Variants in CDC42BPA observed in about 807,000 individuals in gnomAD.
The protein encoded by CDC42BPA is CDC42 binding protein kinase alpha.
CDC42BPA carries 80 observed loss-of-function variants against 223.5 expected under a neutral mutation model. The ratio of observed to expected loss-of-function variants is 0.36; its 90% CI spans 0.30 to 0.43. The LOEUF is 0.43. CDC42BPA is among the 20% of genes least tolerant of loss of function. The pLI, the probability that CDC42BPA is intolerant of heterozygous loss-of-function variation, is 1.00. For missense variants in CDC42BPA, 1,743 were observed against 2,099.9 expected (o/e 0.83, Z 3.32); for synonymous variants, 694 against 718.6 (o/e 0.97, Z 0.55).
chr1:227,029,354 A>G, intron 29 of CDC42BPA, 104 bp from the exon 30 acceptor site: 2 of 709,010 alleles, frequency 2.8e-6, no homozygotes, highest in Non-Finnish European at 2.3e-6. Context: ...CACATACGGA[A>G]GAATAAGACA....
chr1:227,253,200 CAAGAG>C (rs1379143892), intron 2 of CDC42BPA, among the ~76,000 whole-genome samples: 3 of 150,908 alleles, frequency 2.0e-5, no homozygotes, highest in Admixed American at 6.6e-5. Flanking sequence ...AGAGAGGAGA[CAAGAG>C]AAGAGAGAGG....
chr1:227,124,473 G>A (rs992296382), intron 11 of CDC42BPA, among the ~76,000 whole-genome samples: 33 of 152,044 alleles, frequency 2.2e-4, no homozygotes, highest in African/African-American at 7.5e-4. Context: ...TTCTTTGAAG[G>A]TATATATATT....
intron 10 of CDC42BPA, among the ~76,000 whole-genome samples, chr1:227,133,578 GAGA>G (rs1230620631): frequency 6.6e-6 from 1 of 152,228 alleles, no homozygotes; most frequent in African/African-American, 2.4e-5. Context: ...TCTGTGCAGA[GAGA>G]AGTAGACATG....
intron 16 of CDC42BPA, among the ~76,000 whole-genome samples, chr1:227,086,928 C>G (rs1163688209): frequency 6.6e-6 from 1 of 152,192 alleles, no homozygotes; most frequent in African/African-American, 2.4e-5. Context: ...ATGCCTTAGA[C>G]TCCCAAAGTG....
intron 1 of CDC42BPA, among the ~76,000 whole-genome samples, chr1:227,290,441 T>C (rs998221899): frequency 1.3e-5 from 2 of 151,376 alleles, no homozygotes. Flanking sequence ...TACTTTACTG[T>C]ACATTTAAAA....
chr1:227,055,861 C>G (rs991627851), intron 21 of CDC42BPA, among the ~76,000 whole-genome samples: 2 of 150,728 alleles, frequency 1.3e-5, no homozygotes, highest in African/African-American at 2.4e-5. Context: ...GAAACATCTA[C>G]TATATTTCAG....
At chr1:227,180,858 T>G (rs187732653) in intron 5 of CDC42BPA, among the ~76,000 whole-genome samples, 1 of 152,140 alleles carries the variant, frequency 6.6e-6, no homozygotes, top group African/African-American at 2.4e-5. Flanking sequence ...GTTCACAATC[T>G]AAATAGCAAG....
intron 22 of CDC42BPA, among the ~76,000 whole-genome samples, chr1:227,050,975 T>C (rs1414064105): frequency 6.6e-6 from 1 of 152,208 alleles, no homozygotes; most frequent in African/African-American, 2.4e-5. Flanking sequence ...GCTTGAAATA[T>C]TTTATCATTA....
At chr1:227,128,889 T>C (rs1226381425) in intron 11 of CDC42BPA, among the ~76,000 whole-genome samples, 1 of 152,200 alleles carries the variant, frequency 6.6e-6, no homozygotes, top group East Asian at 1.9e-4. Context: ...TTATTTTTCC[T>C]GATAGCCTTT....
rs1031608184 is a variant in CDC42BPA, at chr1:227,107,780, C to A, written c.2001+4532G>T. Among the ~76,000 whole-genome samples the A allele has an allele frequency of 3.3e-5, 5 of 152,080 alleles. 1 individual carries two copies. The East Asian group carries it at 9.6e-4, about 29-fold the overall frequency. On this transcript the variant is annotated intron_variant, in intron 14 of 36. Transcript: ENST00000366766. ...TTCAATGTCTTTACTTGTTATAGGTCTGCAGAGATTTTCTATTTTGCCATG... is the reference window on the plus strand; with the variant it reads ...TTCAATGTCTTTACTTGTTATAGGTATGCAGAGATTTTCTATTTTGCCATG...
At chr1:227,123,891 A>C (rs1689098616) in intron 11 of CDC42BPA, among the ~76,000 whole-genome samples, 1 of 152,162 alleles carries the variant, frequency 6.6e-6, no homozygotes, top group Non-Finnish European at 1.5e-5. Flanking sequence ...GGAGAAACAG[A>C]AACAGTACAC....
chr1:227,083,400 GTA>G (rs1419371407), intron 16 of CDC42BPA, among the ~76,000 whole-genome samples: 1 of 151,892 alleles, frequency 6.6e-6, no homozygotes, highest in Non-Finnish European at 1.5e-5. Context: ...TGACAGTTTT[GTA>G]TAGATTCCAG....
chr1:227,158,277 TTC>T (rs1663193393), intron 6 of CDC42BPA, among the ~76,000 whole-genome samples: 1 of 152,094 alleles, frequency 6.6e-6, no homozygotes, highest in Non-Finnish European at 1.5e-5. Context: ...ACTTCTTTAA[TTC>T]TCTGTCTGCT....
intron 10 of CDC42BPA, among the ~76,000 whole-genome samples, chr1:227,136,213 G>A (rs148042982): frequency 4.4e-4 from 67 of 152,190 alleles, no homozygotes; most frequent in African/African-American, 1.5e-3. Context: ...AGAATCAAAT[G>A]AATAATCCTT....
chr1:227,074,972 A>C (rs1679161221), intron 17 of CDC42BPA, among the ~76,000 whole-genome samples: 1 of 152,202 alleles, frequency 6.6e-6, no homozygotes, highest in South Asian at 2.1e-4. Context: ...GAAAGTTTTC[A>C]AATTATATTT....
intron 11 of CDC42BPA, among the ~76,000 whole-genome samples, chr1:227,124,709 T>A (rs959387428): frequency 2.6e-5 from 4 of 152,088 alleles, no homozygotes; most frequent in Admixed American, 2.6e-4. Context: ...ACATGCATAA[T>A]AATGAAGGGC....
At chr1:227,057,349 CAT>C (rs948578122) in intron 21 of CDC42BPA, among the ~76,000 whole-genome samples, 41 of 134,540 alleles carry the variant, frequency 3.0e-4, no homozygotes, top group African/African-American at 1.0e-3. Flanking sequence ...CTACCTCATT[CAT>C]ATGACATTTC....
At chr1:227,162,395 G>A (rs1664071327) in intron 5 of CDC42BPA, among the ~76,000 whole-genome samples, 1 of 152,112 alleles carries the variant, frequency 6.6e-6, no homozygotes, top group Non-Finnish European at 1.5e-5. Flanking sequence ...TAAATTTGGT[G>A]TTTACTGTAT....
chr1:227,087,211 C>T (rs556213304), intron 16 of CDC42BPA, among the ~76,000 whole-genome samples: 1 of 150,246 alleles, frequency 6.7e-6, no homozygotes, highest in South Asian at 2.1e-4. Context: ...AGATTGTGAT[C>T]CACTTTGAGT....
Sources: gnomAD v4.1 joint callset for allele counts (sites outside exome capture counted in the v4.1 genomes callset) on GRCh38, gnomAD v4.1.1 for gene constraint, MANE v1.5 for transcripts, NCBI Gene and HGNC (gene_info 2026-07-23, HGNC 2026-07-21) for gene names.